The following KIF9 variants were observed in gnomAD, a reference collection of about 807,000 sequenced individuals.
KIF9 encodes kinesin-like protein KIF9.
In KIF9, 68 loss-of-function variants were observed where a neutral mutation model predicts 94.8. The observed-to-expected ratio is 0.72, with a 90% CI of 0.59 to 0.88. The LOEUF (loss-of-function observed/expected upper bound fraction) is 0.88. Ranked by LOEUF, KIF9 falls within the 40% of genes least tolerant of loss-of-function variation. The pLI is 0.00. For synonymous variants in KIF9, 343 were observed against 362.1 expected, an observed-to-expected ratio of 0.95 and a Z score of 0.60; for missense variants, 882 against 982.5, an observed-to-expected ratio of 0.90 and a Z score of 1.37.
chr3:47,230,033 G>A (rs1022450789), intron 20 of KIF9, among the ~76,000 whole-genome samples: 5 of 152,102 alleles, frequency 3.3e-5, no homozygotes, highest in South Asian at 2.1e-4. Flanking sequence ...CGTGACTGGC[G>A]AGTTGCACAT....
chr3:47,276,426 C>T (rs1701970020), intron 2 of KIF9, among the ~76,000 whole-genome samples: 1 of 151,916 alleles, frequency 6.6e-6, no homozygotes, highest in Non-Finnish European at 1.5e-5. Flanking sequence ...CATGGTGGCA[C>T]GTGCCTGTAA....
intron 13 of KIF9, chr3:47,245,828 G>A (rs546546294): frequency 1.7e-4 from 83 of 479,424 alleles, no homozygotes; most frequent in Non-Finnish European, 2.7e-4. Flanking sequence ...TCTCTAAGAG[G>A]CCACTTGGAA....
chr3:47,241,114 A>G (rs1699447054), intron 16 of KIF9, 99 bp from the exon 17 acceptor site: 1 of 1,046,428 alleles, frequency 9.6e-7, no homozygotes, highest in East Asian at 2.4e-5. Context: ...TGTGGCCAGG[A>G]GGCAGAAGTG....
intron 9 of KIF9, among the ~76,000 whole-genome samples, chr3:47,263,411 C>G (rs1701103537): frequency 6.6e-6 from 1 of 152,166 alleles, no homozygotes; most frequent in South Asian, 2.1e-4. Context: ...ACAGCCCTCC[C>G]CTACTCAAAC....
chr3:47,275,501 AGAGT>A lies in KIF9; in HGVS notation c.94-15_94-12del, dbSNP rs573954693. 1.4e-3 allele frequency: 2,239 copies of A among 1,586,926 alleles called. 10 individuals are homozygous for A. The highest frequency in any genetic ancestry group is 1.7e-3 in the Middle Eastern group (10 of 6,010). On this transcript the variant is annotated splice_polypyrimidine_tract_variant and intron_variant, in intron 2 of 20. Coordinates refer to ENST00000684063, the MANE Select transcript of KIF9 (RefSeq NM_182902.4). ...GTGAATATCAATGCTCTAGGAAAAAAGAGTGAGAAAGAAAAAAATGTTATTTGTT... is the reference window on the plus strand; with the variant it reads ...GTGAATATCAATGCTCTAGGAAAAAAGAGAAAGAAAAAAATGTTATTTGTT...
Position 47,236,514 on chromosome 3 carries a change from A to G in KIF9, c.2030T>C (p.Leu677Pro), listed in dbSNP as rs141328638. Residue 677 changes from leucine (L) to proline (P), a missense_variant, in exon 18 of 21, where the codon CTG (leucine) becomes CCG (proline). Physicochemically the swap from Leu to Pro is moderately conservative, Grantham distance 98. Transcript: ENST00000684063. The stretch of plus-strand genomic sequence containing the variant: ...CTGGATCTCAGCCCTGAGGTCACGC[A>G]GGTCCTGGTACTCGCTGCGGTACTG... ...KKQYRSEYQD[L>P]RDLRAEIQYC... The G allele has an allele frequency of 2.5e-6, 4 of 1,614,068 alleles. No homozygotes were observed. Among genetic ancestry groups the G allele is most frequent in the Non-Finnish European group, 8.5e-7 (1 of 1,180,038 alleles).
rs1419273062 is a variant in KIF9, at chr3:47,244,995, A to G, written c.1381-71T>C. ...TTGGACCCCTTGGGGACCCACATGTATATGGCCCAAGGCTCAGGGTGGACA... is the reference window on the plus strand; with the variant it reads ...TTGGACCCCTTGGGGACCCACATGTGTATGGCCCAAGGCTCAGGGTGGACA... On this transcript the variant is annotated intron_variant, in intron 14 of 20. Transcript: ENST00000684063. The G allele has an allele frequency of 4.4e-6, 7 of 1,586,536 alleles. No homozygotes were observed. The East Asian group carries it at 1.6e-4, about 36-fold the overall frequency.
intron 20 of KIF9, among the ~76,000 whole-genome samples, chr3:47,233,197 C>A (rs1233838430): frequency 6.7e-6 from 1 of 149,404 alleles, no homozygotes; most frequent in Non-Finnish European, 1.5e-5. Flanking sequence ...CCTGTCTTTA[C>A]TTAAAATACA....
rs1477636578 is a variant in KIF9, at chr3:47,248,089, G to T, written c.1060-3C>A. 3 of 1,612,084 alleles carry T rather than the reference G, an allele frequency of 1.9e-6. No individual in the cohort carries two copies. Among genetic ancestry groups the T allele is most frequent in the East Asian group, 2.2e-5 (1 of 44,828 alleles). Reference sequence around the variant, plus strand: ...TTCTCCAGGTTCTTGACCATTCTCTGCCGGGAAACATGGTAGGGTGGGGGC... The same window carrying T: ...TTCTCCAGGTTCTTGACCATTCTCTTCCGGGAAACATGGTAGGGTGGGGGC... On this transcript the variant is annotated splice_region_variant and splice_polypyrimidine_tract_variant and intron_variant, in intron 10 of 20. Coordinates refer to ENST00000684063, the MANE Select transcript of KIF9 (RefSeq NM_182902.4).
intron 10 of KIF9, among the ~76,000 whole-genome samples, chr3:47,252,079 A>G (rs1280122431): frequency 1.3e-5 from 2 of 152,208 alleles, no homozygotes; most frequent in Non-Finnish European, 2.9e-5. Context: ...AACAGGCATC[A>G]ATACCGAAGA....
intron 9 of KIF9, among the ~76,000 whole-genome samples, chr3:47,258,272 G>T (rs767966166): frequency 6.6e-6 from 1 of 152,114 alleles, no homozygotes; most frequent in Non-Finnish European, 1.5e-5. Context: ...TTAAGACAGG[G>T]TCTTGCTCTG....
At position 47,228,009 on chromosome 3, in the gene KIF9, G is replaced by GC. The variant is rs1698300199; in HGVS notation, c.*642dup. The stretch of plus-strand genomic sequence containing the variant: ...GCAGAGGACATGTCTCCCAGAAGCT[G>GC]CTCATTTATTCCCTGGTACATGGAG... On this transcript the variant is annotated 3_prime_UTR_variant, in exon 21 of 21. Coordinates refer to ENST00000684063, the MANE Select transcript of KIF9 (RefSeq NM_182902.4). The GC allele has an allele frequency of 6.6e-6, 1 of 152,386 alleles. No homozygotes were observed. The highest frequency in any genetic ancestry group is 6.5e-5 in the Admixed American group (1 of 15,294). The allele number at this position is 152,386 out of a possible 1,614,324, so 9.4% of individuals were successfully genotyped here.
intron 9 of KIF9, among the ~76,000 whole-genome samples, chr3:47,260,875 G>A (rs1386444936): frequency 1.3e-5 from 2 of 152,206 alleles, no homozygotes; most frequent in Non-Finnish European, 1.5e-5. Flanking sequence ...TCCTGATGGA[G>A]GGACAGTACG....
At chr3:47,235,457 G>C in intron 20 of KIF9, 56 bp downstream of exon 20, 4 of 1,191,164 alleles carry the variant, frequency 3.4e-6, no homozygotes, top group Non-Finnish European at 5.0e-6. Context: ...ATATGATCCT[G>C]GGTTTCCTAG....
chr3:47,265,749 G>A lies in KIF9; in HGVS notation c.897C>T (p.His299=), dbSNP rs146278510. 1.9e-4 allele frequency: 299 copies of A among 1,614,164 alleles called. No homozygotes were observed. The Admixed American group carries it at 4.4e-3, about 24-fold the overall frequency. Residue 299 remains histidine (H), a synonymous_variant, in exon 8 of 21, where the codon CAC becomes CAT. Coordinates refer to ENST00000684063, the MANE Select transcript of KIF9 (RefSeq NM_182902.4). The part of the protein sequence containing the change: ...HIPFRQCKLT[H]ALKDSLGGNC... ...CCTCACCTAACGAGTCCTTCAGAGC[G>A]TGGGTGAGCTTGCACTGCCGAAAGG...
chr3:47,280,982 G>A (rs114717513), intron 1 of KIF9: 14 of 702,994 alleles, frequency 2.0e-5, no homozygotes, highest in Non-Finnish European at 3.1e-5. Context: ...TTCTTACGTC[G>A]CTTCATTTGA....
chr3:47,282,659 G>A lies in KIF9; in HGVS notation c.-170C>T. 8.1e-7 allele frequency: 1 copy of A among 1,236,348 alleles called. No homozygotes were observed. Among genetic ancestry groups the A allele is most frequent in the South Asian group, 1.9e-5 (1 of 51,318 alleles). 76.6% of individuals were successfully genotyped at this position (1,236,348 alleles called of 1,614,324 possible). On this transcript the variant is annotated 5_prime_UTR_variant, in exon 1 of 21. In the 5' UTR this introduces an upstream ATG that the reference lacks. Coordinates refer to ENST00000684063, the MANE Select transcript of KIF9 (RefSeq NM_182902.4). ...GCGGAAATGAAGTCCGAGGTCCTAC[G>A]TCGAGGATACGGGTGAGGTCATGGC...
intron 4 of KIF9, among the ~76,000 whole-genome samples, chr3:47,272,189 A>G (rs1206624453): frequency 6.6e-6 from 1 of 152,192 alleles, no homozygotes; most frequent in Non-Finnish European, 1.5e-5. Flanking sequence ...AAGTAAAGCC[A>G]GAACTCAGCC....
intron 10 of KIF9, among the ~76,000 whole-genome samples, chr3:47,248,988 G>A (rs902648957): frequency 4.5e-4 from 69 of 151,726 alleles, no homozygotes; most frequent in African/African-American, 1.6e-3. Flanking sequence ...CTCTCGCCTC[G>A]GCCTCCCAAA....
Sources: gnomAD v4.1 joint callset for allele counts (sites outside exome capture counted in the v4.1 genomes callset) on GRCh38, gnomAD v4.1.1 for gene constraint, MANE v1.5 for transcripts, NCBI Gene and HGNC (gene_info 2026-07-23, HGNC 2026-07-21) for gene names.